The following MAP3K7CL variants were observed in gnomAD, a reference collection of about 807,000 sequenced individuals.
MAP3K7CL encodes MAP3K7 C-terminal like.
In MAP3K7CL, 16 loss-of-function variants were observed where a neutral mutation model predicts 18.6. The ratio of observed to expected loss-of-function variants is 0.86; its 90% confidence interval spans 0.58 to 1.31. MAP3K7CL has a LOEUF of 1.31. MAP3K7CL is among the 50% of genes most tolerant of loss of function. The probability of loss-of-function intolerance (pLI) is 0.00; values close to 1 mark genes in which losing one functional copy is unlikely to be tolerated. For missense variants in MAP3K7CL, 163 were observed against 174.4 expected (o/e 0.93, Z 0.37); for synonymous variants, 65 against 66.8 (o/e 0.97, Z 0.13).
chr21:29,089,246 C>A (rs1386021437), intron 1 of MAP3K7CL, among the ~76,000 whole-genome samples: 1 of 146,266 alleles, frequency 6.8e-6, no homozygotes, highest in Non-Finnish European at 1.5e-5. Context: ...CCAGACATAA[C>A]CCTCATCTCT....
chr21:29,132,808 C>T (rs931546004), intron 1 of MAP3K7CL, among the ~76,000 whole-genome samples: 4 of 152,116 alleles, frequency 2.6e-5, no homozygotes, highest in Non-Finnish European at 5.9e-5. Flanking sequence ...CCACACCCAG[C>T]GACTTTTGGT....
At chr21:29,094,828 A>G (rs56307949) in intron 4 of MAP3K7CL, among the ~76,000 whole-genome samples, 45,278 of 151,968 alleles carry the variant, frequency 0.3, 6,991 homozygotes, top group African/African-American at 0.37. Context: ...AGGCCGAGGC[A>G]GGAGCATTGC....
At chr21:29,114,917 C>G (rs1431651775) in intron 4 of MAP3K7CL, among the ~76,000 whole-genome samples, 3 of 152,156 alleles carry the variant, frequency 2.0e-5, no homozygotes, top group African/African-American at 7.2e-5. Context: ...AATCTAGGAG[C>G]CACAGGAGGC....
intron 4 of MAP3K7CL, among the ~76,000 whole-genome samples, chr21:29,118,397 C>G (rs943493808): frequency 1.3e-5 from 2 of 149,602 alleles, no homozygotes; most frequent in African/African-American, 5.0e-5. Context: ...GGGTACCTTC[C>G]CTATTAGGCA....
At chr21:29,136,584 G>A (rs1453683263) in intron 2 of MAP3K7CL, among the ~76,000 whole-genome samples, 1 of 151,856 alleles carries the variant, frequency 6.6e-6, no homozygotes, top group Non-Finnish European at 1.5e-5. Context: ...GCGTGCAGTG[G>A]TGCAATATTG....
intron 4 of MAP3K7CL, among the ~76,000 whole-genome samples, chr21:29,118,476 C>T (rs886399630): frequency 1.3e-5 from 2 of 152,014 alleles, no homozygotes; most frequent in Non-Finnish European, 2.9e-5. Context: ...AGGCACTGAT[C>T]ATGTGTCTTT....
chr21:29,150,444 G>A (rs969657526), intron 3 of MAP3K7CL, among the ~76,000 whole-genome samples: 3 of 152,104 alleles, frequency 2.0e-5, no homozygotes, highest in Non-Finnish European at 4.4e-5. Context: ...CTTTGTAGCA[G>A]TCCTGGGCAT....
At chr21:29,147,084 G>A (rs1028194409) in intron 2 of MAP3K7CL, among the ~76,000 whole-genome samples, 3 of 152,002 alleles carry the variant, frequency 2.0e-5, no homozygotes, top group Non-Finnish European at 4.4e-5. Context: ...CATAAAAACT[G>A]TTATCTTTTC....
At chr21:29,103,503 G>A (rs1413799199) in intron 4 of MAP3K7CL, among the ~76,000 whole-genome samples, 2 of 152,158 alleles carry the variant, frequency 1.3e-5, no homozygotes, top group Non-Finnish European at 2.9e-5. Context: ...GGCCGAAGAG[G>A]GCAGATCACT....
At chr21:29,127,557 A>G (rs993768935), upstream of MAP3K7CL, 2 of 152,256 alleles carry the variant, frequency 1.3e-5, no homozygotes, top group African/African-American at 2.4e-5. Context: ...GTAAATGTTA[A>G]TTGTGACTGA....
upstream of MAP3K7CL, among the ~76,000 whole-genome samples, chr21:29,083,188 GC>G: frequency 6.6e-6 from 1 of 152,022 alleles, no homozygotes; most frequent in South Asian, 2.1e-4. Context: ...ACAGAAATCT[GC>G]CCCCTGGACT....
intron 2 of MAP3K7CL, among the ~76,000 whole-genome samples, chr21:29,136,611 G>A (rs1043863016): frequency 1.5e-4 from 23 of 151,836 alleles, no homozygotes; most frequent in Middle Eastern, 3.4e-3. Flanking sequence ...CGCGACCTCC[G>A]CCTCCCTGAG....
rs770660264 is a variant in MAP3K7CL at position 29,087,884 on chromosome 21, C to T, written c.57+1967C>T. ...CTGGGATTACAGGTGTGAGCCACCG[C>T]GCCCGGTCGTGCTCATTTTCTTAAT... On this transcript the variant is annotated intron_variant, in intron 1 of 6. Coordinates refer to the MAP3K7CL transcript ENST00000286791. 5.3e-5 allele frequency among the ~76,000 whole-genome samples: 8 copies of T among 152,166 alleles called. No individual in the cohort carries two copies. The East Asian group carries it at 7.7e-4, about 15-fold the overall frequency.
intron 1 of MAP3K7CL, among the ~76,000 whole-genome samples, chr21:29,087,532 A>G (rs373043323): frequency 6.8e-4 from 103 of 151,556 alleles, no homozygotes; most frequent in African/African-American, 2.2e-3. Flanking sequence ...TAGGTCGTAT[A>G]TCTCCTAAAT....
At chr21:29,081,028 C>T (rs368082915), upstream of MAP3K7CL, among the ~76,000 whole-genome samples, 55 of 152,094 alleles carry the variant, frequency 3.6e-4, no homozygotes, top group South Asian at 0.011. Flanking sequence ...CTCGCCCAGA[C>T]TTGGCAGTTA....
chr21:29,132,984 T>C (rs896135831), intron 1 of MAP3K7CL, among the ~76,000 whole-genome samples: 1 of 152,184 alleles, frequency 6.6e-6, no homozygotes, highest in African/African-American at 2.4e-5. Context: ...TAAAATACTT[T>C]ATATGACCTT....
rs1047772523 is a variant in MAP3K7CL at position 29,143,755 on chromosome 21, C to T, written c.71-5434C>T. ...AACACTTTTTAACAAGGATTTAGGGCGTCTCAACTTACATCCCAGTTATGT... is the reference window on the plus strand; with the variant it reads ...AACACTTTTTAACAAGGATTTAGGGTGTCTCAACTTACATCCCAGTTATGT... On this transcript the variant is annotated intron_variant, in intron 2 of 4. Transcript: ENST00000399928. Among the ~76,000 whole-genome samples, 6 of 152,132 alleles carry T rather than the reference C, an allele frequency of 3.9e-5. No individual in the cohort carries two copies. The South Asian group carries it at 6.2e-4, about 16-fold the overall frequency.
At chr21:29,105,262 A>G (rs963786454) in intron 4 of MAP3K7CL, among the ~76,000 whole-genome samples, 7 of 152,186 alleles carry the variant, frequency 4.6e-5, no homozygotes, top group African/African-American at 1.4e-4. Flanking sequence ...GATCTTTCTC[A>G]GTCCTCCTAC....
rs1336924200 is a variant in MAP3K7CL at position 29,089,096 on chromosome 21, G to A, written c.58-2405G>A. The stretch of plus-strand genomic sequence containing the variant: ...GAGGCAGGAGAATCACTTGTACCCA[G>A]GAGGGAGAGGTTGCAGTGAGCCGAG... On this transcript the variant is annotated intron_variant, in intron 1 of 6. Transcript: ENST00000286791. 3.5e-5 allele frequency among the ~76,000 whole-genome samples: 5 copies of A among 143,852 alleles called. No homozygotes were observed. The Admixed American group carries it at 3.6e-4, about 10-fold the overall frequency. 94.4% of individuals were successfully genotyped at this position (143,852 alleles called of 152,430 possible). A position where few individuals can be genotyped will look rare whatever the true frequency, so the allele number is the denominator to read the frequency against.
Sources: allele counts gnomAD v4.1 joint callset (sites outside exome capture counted in the v4.1 genomes callset), GRCh38; gene constraint gnomAD v4.1.1; transcripts MANE v1.5; gene names NCBI Gene and HGNC (gene_info 2026-07-23, HGNC 2026-07-21).